Variants in NDUFA10 observed in about 807,000 individuals in gnomAD.
NDUFA10 encodes the protein NADH:ubiquinone oxidoreductase subunit A10, also known as NADH dehydrogenase [ubiquinone] 1 alpha subcomplex subunit 10, mitochondrial.
A neutral mutation model predicts 47.8 loss-of-function variants in NDUFA10; 40 were observed. The ratio of observed to expected loss-of-function variants is 0.84; its 90% CI spans 0.65 to 1.09. The LOEUF (loss-of-function observed/expected upper bound fraction) is 1.09. Among genes scored for constraint, NDUFA10 ranks in the 50% least tolerant of loss-of-function variants. NDUFA10 has a pLI of 0.00. For synonymous variants in NDUFA10, 183 were observed against 172.2 expected (o/e 1.06, Z -0.49); for missense variants, 413 against 451.1 (o/e 0.92, Z 0.76).
At chr2:239,932,971 C>T (rs183793136) in intron 4 of NDUFA10, among the ~76,000 whole-genome samples, 10 of 152,226 alleles carry the variant, frequency 6.6e-5, no homozygotes, top group East Asian at 5.8e-4. Flanking sequence ...CCACCGTACA[C>T]GCTAGAAGCA....
intron 5 of NDUFA10, among the ~76,000 whole-genome samples, chr2:239,894,711 C>A (rs2106459032): frequency 6.6e-6 from 1 of 152,300 alleles, no homozygotes; most frequent in East Asian, 1.9e-4. Context: ...TCCCTTCTGA[C>A]CTTCTCTATG....
At chr2:239,968,302 C>A (rs543703711) in intron 9 of NDUFA10, among the ~76,000 whole-genome samples, 1 of 152,212 alleles carries the variant, frequency 6.6e-6, no homozygotes, top group Non-Finnish European at 1.5e-5. Context: ...GCACGCAATG[C>A]GCAGAGCACG....
rs1166881846 is a variant in NDUFA10 at position 239,928,146 on chromosome 2, G to A, written c.295-32832C>T. Among the ~76,000 whole-genome samples, 1 of 151,762 alleles carries A rather than the reference G, an allele frequency of 6.6e-6. No individual in the cohort carries two copies. Among genetic ancestry groups the A allele is most frequent in the Non-Finnish European group, 1.5e-5 (1 of 68,002 alleles). ...CACAAACGCGAGTAAGGAGCAGAAG[G>A]TCTGTACAAAGATTCCAGGACTTTA... is the stretch of plus-strand genomic sequence containing the variant. On this transcript the variant is annotated intron_variant, in intron 4 of 5. Transcript: ENST00000419408. This position sits in a 1 kb window ranked among gnomAD's most constrained non-coding sequence, Gnocchi z 4.3.
chr2:239,962,324 G>A (rs996359215), intron 9 of NDUFA10, among the ~76,000 whole-genome samples: 1 of 152,026 alleles, frequency 6.6e-6, no homozygotes, highest in East Asian at 1.9e-4. Context: ...TCAGCAGCAG[G>A]CATTCACAGC....
Position 240,005,691 on chromosome 2 carries a change from A to C in NDUFA10, c.805-396T>G, listed in dbSNP as rs189881230. On this transcript the variant is annotated intron_variant, in intron 7 of 9. Coordinates refer to ENST00000252711, the MANE Select transcript of NDUFA10 (RefSeq NM_004544.4). ...CATTTTAATACATTATAAGCTATGAATATTTGGCAGGAAGAATCACACCGT... is the reference window on the plus strand; with the variant it reads ...CATTTTAATACATTATAAGCTATGACTATTTGGCAGGAAGAATCACACCGT... 8.2e-4 allele frequency among the ~76,000 whole-genome samples: 122 copies of C among 148,042 alleles called. 2 individuals are homozygous for C. In the South Asian group the frequency reaches 0.014, roughly 17 times the overall value.
intron 4 of NDUFA10, among the ~76,000 whole-genome samples, chr2:239,941,679 C>T (rs553082961): frequency 6.6e-6 from 1 of 151,012 alleles, no homozygotes; most frequent in Non-Finnish European, 1.5e-5. Context: ...GAGCCAAGAT[C>T]GCACCACTGC....
chr2:239,894,305 C>A (rs923779375), intron 5 of NDUFA10, among the ~76,000 whole-genome samples: 4 of 150,138 alleles, frequency 2.7e-5, no homozygotes, highest in Admixed American at 6.6e-5. Context: ...AGCTCCATCC[C>A]AGCCTCATTC....
intron 9 of NDUFA10, among the ~76,000 whole-genome samples, chr2:239,965,554 C>T (rs879606990): frequency 6.6e-6 from 1 of 152,178 alleles, no homozygotes; most frequent in Non-Finnish European, 1.5e-5. Flanking sequence ...ACCTTCCTCC[C>T]GAGCCACGCT....
At chr2:239,978,605 G>A (rs1695629352) in intron 9 of NDUFA10, among the ~76,000 whole-genome samples, 1 of 152,250 alleles carries the variant, frequency 6.6e-6, no homozygotes, top group Non-Finnish European at 1.5e-5. Flanking sequence ...CTGGCCCACA[G>A]GCACTTCTGT....
In NDUFA10 at chr2:239,982,524, G is replaced by C. The variant is rs546478385; in HGVS notation, c.999+7550C>G. Reference sequence around the variant, plus strand: ...GTGGCCTCTGCGAGTTGAGGTGTCAGAGACTGATGGCTCCTTGGGCTCTGG... The same window carrying C: ...GTGGCCTCTGCGAGTTGAGGTGTCACAGACTGATGGCTCCTTGGGCTCTGG... On this transcript the variant is annotated intron_variant, in intron 9 of 9. Transcript: ENST00000252711. Among the ~76,000 whole-genome samples the C allele has an allele frequency of 5.9e-5, 9 of 152,328 alleles. No individual in the cohort carries two copies. In the South Asian group the frequency reaches 6.2e-4, roughly 11 times the overall value.
At chr2:239,914,649 TACAC>T (rs1281672549) in intron 4 of NDUFA10, among the ~76,000 whole-genome samples, 1 of 66,504 alleles carries the variant, frequency 1.5e-5, no homozygotes, top group Non-Finnish European at 2.8e-5. Flanking sequence ...CACACATACA[TACAC>T]AGACACACAC....
At chr2:239,893,017 C>T (rs375019132) in intron 5 of NDUFA10, among the ~76,000 whole-genome samples, 8 of 152,176 alleles carry the variant, frequency 5.3e-5, no homozygotes, top group African/African-American at 1.9e-4. Context: ...GGAGAGGCTG[C>T]CTTGGGGAGC....
rs937403033 is a variant in NDUFA10 at position 239,906,748 on chromosome 2, G to T, written c.295-11434C>A. Among the ~76,000 whole-genome samples, 3 of 152,250 alleles carry T rather than the reference G, an allele frequency of 2.0e-5. No homozygotes were observed. The East Asian group carries it at 5.8e-4, about 29-fold the overall frequency. ...GGAGTACTACAAACCACCGCTCAAT[G>T]AAATAAAAGAGGACACAAACAAATG... On this transcript the variant is annotated intron_variant, in intron 4 of 5. Transcript: ENST00000419408. The surrounding 1 kb of genome is among the most constrained non-coding windows in gnomAD (Gnocchi z 4.3).
intron 4 of NDUFA10, among the ~76,000 whole-genome samples, chr2:239,939,583 T>C (rs1037307571): frequency 6.6e-6 from 1 of 152,240 alleles, no homozygotes; most frequent in African/African-American, 2.4e-5. Flanking sequence ...TATGAAGGAT[T>C]TGACCCATGC....
At chr2:239,982,049 G>C in intron 9 of NDUFA10, 1 of 1,604,018 alleles carries the variant, frequency 6.2e-7, no homozygotes, top group South Asian at 1.1e-5. Flanking sequence ...ATAGTCACAC[G>C]TTCTGTGGAA....
At chr2:239,909,943 C>G (rs1243455330) in intron 4 of NDUFA10, among the ~76,000 whole-genome samples, 2 of 134,380 alleles carry the variant, frequency 1.5e-5, no homozygotes, top group South Asian at 2.4e-4. Flanking sequence ...ATGCAGCCAG[C>G]AAACATATGA....
chr2:240,017,822 G>C, intron 4 of NDUFA10: 1 of 1,559,102 alleles, frequency 6.4e-7, no homozygotes, highest in Non-Finnish European at 8.7e-7. Flanking sequence ...CACCTGGCTT[G>C]CTTCGGCCTC....
chr2:240,002,839 TA>T (rs903171873), intron 8 of NDUFA10, among the ~76,000 whole-genome samples: 59 of 152,286 alleles, frequency 3.9e-4, no homozygotes, highest in African/African-American at 1.2e-3. Context: ...AATGCTGTAC[TA>T]AAAACATCAA....
intron 4 of NDUFA10, among the ~76,000 whole-genome samples, chr2:239,915,133 GAC>G (rs1190594720): frequency 1.9e-5 from 2 of 106,982 alleles, no homozygotes; most frequent in South Asian, 2.9e-4. Context: ...CACATACACA[GAC>G]ACACACAAAT....
Sources: allele counts gnomAD v4.1 joint callset (sites outside exome capture counted in the v4.1 genomes callset), GRCh38; gene constraint gnomAD v4.1.1; non-coding constraint Gnocchi (gnomAD v3.1); transcripts MANE v1.5; gene names NCBI Gene and HGNC (gene_info 2026-07-23, HGNC 2026-07-21).